USP33: variants seen among roughly 807,000 people sequenced by gnomAD.
The protein encoded by USP33 is ubiquitin specific peptidase 33, also known as ubiquitin carboxyl-terminal hydrolase 33.
A neutral mutation model predicts 124.2 loss-of-function variants in USP33; 46 were observed. The observed-to-expected ratio is 0.37, with a 90% CI of 0.29 to 0.47. USP33 has a LOEUF of 0.47. Among genes scored for constraint, USP33 ranks in the 20% least tolerant of loss-of-function variants. The pLI is 0.99. For synonymous variants in USP33, 350 were observed against 352.3 expected (o/e 0.99, Z 0.07); for missense variants, 851 against 1,070.6 (o/e 0.79, Z 2.86).
intron 6 of USP33, 126 bp downstream of exon 6, chr1:77,735,930 T>C (rs1678392826): frequency 1.5e-6 from 1 of 646,032 alleles, no homozygotes; most frequent in South Asian, 4.8e-5. Flanking sequence ...TAGGCCAAAT[T>C]TCAGAGTCCT....
At chr1:77,703,787 G>A (rs1294048824) in intron 21 of USP33, among the ~76,000 whole-genome samples, 2 of 152,054 alleles carry the variant, frequency 1.3e-5, no homozygotes, top group African/African-American at 2.4e-5. Context: ...ATGGCACAGT[G>A]GCTCACTTGA....
chr1:77,718,797 C>G lies in USP33; in HGVS notation c.1692-156G>C, dbSNP rs952082977. On this transcript the variant is annotated intron_variant, in intron 15 of 23. Coordinates refer to ENST00000370794, the MANE Select transcript of USP33 (RefSeq NM_201624.3). ...ATACAAAATTAGCCAGGCATGGTGG[C>G]ACATGCCTGTAGTCCCAGATACTCA... 6.9e-6 allele frequency: 4 copies of G among 582,714 alleles called. No homozygotes were observed. The East Asian group carries it at 1.2e-4, about 18-fold the overall frequency. 36.1% of individuals were successfully genotyped at this position (582,714 alleles called of 1,614,324 possible).
At chr1:77,744,082 C>T (rs982239628) in intron 1 of USP33, among the ~76,000 whole-genome samples, 3 of 150,864 alleles carry the variant, frequency 2.0e-5, no homozygotes, top group African/African-American at 7.3e-5. Flanking sequence ...TGAGATCGCG[C>T]CACTGCAATC....
intron 12 of USP33, among the ~76,000 whole-genome samples, chr1:77,722,952 G>A (rs779562685): frequency 3.9e-5 from 6 of 152,188 alleles, no homozygotes; most frequent in Admixed American, 1.3e-4. Context: ...ATGACCAAAT[G>A]TAAGAGATAC....
intron 6 of USP33, among the ~76,000 whole-genome samples, chr1:77,735,351 G>A (rs1025761030): frequency 3.3e-5 from 5 of 152,030 alleles, no homozygotes; most frequent in African/African-American, 4.8e-5. Context: ...TGGATTTGGA[G>A]CAAAATGAAG....
chr1:77,698,963 G>A (rs1033329217), intron 22 of USP33, among the ~76,000 whole-genome samples: 3 of 151,854 alleles, frequency 2.0e-5, no homozygotes, highest in East Asian at 1.9e-4. Flanking sequence ...AAAAGAAACC[G>A]TTTAAATACA....
intron 21 of USP33, among the ~76,000 whole-genome samples, chr1:77,707,980 T>C (rs1193956335): frequency 6.6e-6 from 1 of 152,128 alleles, no homozygotes; most frequent in Non-Finnish European, 1.5e-5. Context: ...CATTTAGAAA[T>C]AGGTATAGTG....
At chr1:77,735,861 T>C (rs1678382907) in intron 6 of USP33, among the ~76,000 whole-genome samples, 195 bp downstream of exon 6, 1 of 152,246 alleles carries the variant, frequency 6.6e-6, no homozygotes, top group Non-Finnish European at 1.5e-5. Context: ...AGTAGGATCC[T>C]ACCTTTGGTA....
intron 1 of USP33, among the ~76,000 whole-genome samples, chr1:77,744,527 A>C (rs1257956246): frequency 6.6e-6 from 1 of 152,188 alleles, no homozygotes; most frequent in Non-Finnish European, 1.5e-5. Flanking sequence ...ACTTAAAACT[A>C]GTAATAAAAA....
At chr1:77,721,953 G>A in intron 13 of USP33, 28 bp from the exon 14 acceptor site, 17 of 1,601,920 alleles carry the variant, frequency 1.1e-5, no homozygotes, top group Non-Finnish European at 1.4e-5. Flanking sequence ...GAAAAAAAAG[G>A]AAGTGTTCTG....
chr1:77,713,668 C>T (rs1135921), intron 19 of USP33, among the ~76,000 whole-genome samples: 3,744 of 149,926 alleles, frequency 0.025, 113 homozygotes, highest in African/African-American at 0.088. Flanking sequence ...AAGTGCTGAG[C>T]TTAGAGGCAT....
At chr1:77,703,956 C>G (rs1042543249) in intron 21 of USP33, among the ~76,000 whole-genome samples, 2 of 151,868 alleles carry the variant, frequency 1.3e-5, no homozygotes, top group Non-Finnish European at 2.9e-5. Context: ...GAGATCAAGG[C>G]TGCAAAATTA....
chr1:77,704,180 T>C (rs2101191782), intron 21 of USP33, among the ~76,000 whole-genome samples: 2 of 152,232 alleles, frequency 1.3e-5, no homozygotes, highest in South Asian at 4.1e-4. Flanking sequence ...GGCAAAGATC[T>C]TTCTGGGACA....
chr1:77,727,678 C>T (rs1049107835), intron 10 of USP33, among the ~76,000 whole-genome samples: 1 of 152,194 alleles, frequency 6.6e-6, no homozygotes, highest in African/African-American at 2.4e-5. Context: ...ATTTTAAGAT[C>T]ACATAATTTG....
chr1:77,726,471 C>T (rs904996709), intron 10 of USP33, among the ~76,000 whole-genome samples: 1 of 151,750 alleles, frequency 6.6e-6, no homozygotes, highest in African/African-American at 2.4e-5. Context: ...TCATGAGACC[C>T]CCATCTCTAC....
chr1:77,716,060 AT>A (rs1443941727), intron 17 of USP33, among the ~76,000 whole-genome samples, 192 bp from the exon 18 acceptor site: 1 of 151,940 alleles, frequency 6.6e-6, no homozygotes, highest in Non-Finnish European at 1.5e-5. Flanking sequence ...AATTTTTTAA[AT>A]TTTTTTATTT....
intron 4 of USP33, among the ~76,000 whole-genome samples, chr1:77,740,422 C>T (rs1048531556): frequency 6.6e-6 from 1 of 151,324 alleles, no homozygotes; most frequent in African/African-American, 2.4e-5. Context: ...GGCACGATCT[C>T]GGCTCACTGC....
chr1:77,740,922 A>G lies in USP33; in HGVS notation c.153T>C (p.Val51=). ...GATCTACTTGTGATTCACCACAGCC[A>G]ACATATGAACATCTATTCTATAAAT... ...WACLENRCSY[V]GCGESQVDHS... Residue 51 remains valine, a synonymous_variant, in exon 4 of 24, where the codon GTT becomes GTC. Coordinates refer to ENST00000370794, the MANE Select transcript of USP33 (RefSeq NM_201624.3). 1 of 1,561,610 alleles carries G rather than the reference A, an allele frequency of 6.4e-7. No homozygotes were observed.
intron 9 of USP33, among the ~76,000 whole-genome samples, chr1:77,729,369 TAA>T (rs1167126986): frequency 0.041 from 4,717 of 115,346 alleles, 84 homozygotes; most frequent in Middle Eastern, 0.1. Context: ...TTATCTCTCT[TAA>T]AAAAAAAAAA....
Sources: gnomAD v4.1 joint callset for allele counts (sites outside exome capture counted in the v4.1 genomes callset) on GRCh38, gnomAD v4.1.1 for gene constraint, MANE v1.5 for transcripts, NCBI Gene and HGNC (gene_info 2026-07-23, HGNC 2026-07-21) for gene names.